Variants in KIF13B observed in about 807,000 individuals in gnomAD.
KIF13B encodes the protein kinesin-like protein KIF13B.
KIF13B carries 127 observed loss-of-function variants against 222.0 expected under a neutral mutation model. The observed-to-expected ratio is 0.57, with a 90% CI of 0.50 to 0.66. The LOEUF (loss-of-function observed/expected upper bound fraction) is 0.66. Ranked by LOEUF, KIF13B falls within the 30% of genes least tolerant of loss-of-function variation. The probability of loss-of-function intolerance (pLI) is 0.00; values close to 1 mark genes in which losing one functional copy is unlikely to be tolerated. For synonymous variants in KIF13B, 976 were observed against 919.0 expected (o/e 1.06, Z -1.12); for missense variants, 2,173 against 2,379.0 (o/e 0.91, Z 1.80).
At chr8:29,126,660 C>T in intron 25 of KIF13B, 149 bp from the exon 26 acceptor site, 1 of 643,450 alleles carries the variant, frequency 1.6e-6, no homozygotes, top group East Asian at 2.8e-5. Context: ...CACCCTCACT[C>T]TGGGTTTTAC....
chr8:29,188,480 GGTT>G (rs768760937), intron 5 of KIF13B, 32 bp downstream of exon 5: 1 of 1,242,116 alleles, frequency 8.1e-7, no homozygotes, highest in African/African-American at 1.5e-5. Flanking sequence ...TTTCATTGAT[GGTT>G]GTTTATGTGA....
chr8:29,158,460 G>A (rs1345078919), intron 13 of KIF13B, among the ~76,000 whole-genome samples: 2 of 152,102 alleles, frequency 1.3e-5, no homozygotes, highest in Non-Finnish European at 2.9e-5. Context: ...AAATAAAGGG[G>A]GTGTTATATT....
At chr8:29,174,852 T>C (rs1812411503) in intron 10 of KIF13B, among the ~76,000 whole-genome samples, 1 of 152,160 alleles carries the variant, frequency 6.6e-6, no homozygotes, top group African/African-American at 2.4e-5. Flanking sequence ...AGTTTTGAAT[T>C]AAAAAGTTGA....
chr8:29,076,393 G>C (rs990550696), intron 37 of KIF13B, among the ~76,000 whole-genome samples: 3 of 152,230 alleles, frequency 2.0e-5, no homozygotes, highest in Non-Finnish European at 4.4e-5. Flanking sequence ...TAACTGCCCA[G>C]AGATGTGGAC....
chr8:29,168,741 T>A (rs548453447), intron 10 of KIF13B, among the ~76,000 whole-genome samples: 7 of 152,074 alleles, frequency 4.6e-5, no homozygotes, highest in South Asian at 2.1e-4. Flanking sequence ...CAGCCCCCCA[T>A]CCCCAACACT....
chr8:29,143,798 G>A (rs569948895), intron 18 of KIF13B, among the ~76,000 whole-genome samples: 11 of 151,966 alleles, frequency 7.2e-5, no homozygotes, highest in South Asian at 2.1e-4. Context: ...AGCCGAGATC[G>A]CGCCACTGCA....
chr8:29,076,414 C>G (rs1309458216), intron 37 of KIF13B, among the ~76,000 whole-genome samples: 1 of 152,226 alleles, frequency 6.6e-6, no homozygotes, highest in Non-Finnish European at 1.5e-5. Context: ...TCCACGTCTC[C>G]CACCTCCCTT....
chr8:29,231,730 A>C (rs1815293208), intron 2 of KIF13B, among the ~76,000 whole-genome samples: 1 of 152,240 alleles, frequency 6.6e-6, no homozygotes, highest in South Asian at 2.1e-4. Context: ...TATTTTTTAA[A>C]ACACAGTAAT....
chr8:29,172,301 C>G (rs537554065), intron 10 of KIF13B, among the ~76,000 whole-genome samples: 2 of 151,946 alleles, frequency 1.3e-5, no homozygotes, highest in African/African-American at 4.8e-5. Flanking sequence ...CCAGGATGGT[C>G]TCGATCTCCT....
At chr8:29,185,115 A>C (rs906020098) in intron 6 of KIF13B, among the ~76,000 whole-genome samples, 6 of 152,018 alleles carry the variant, frequency 3.9e-5, no homozygotes, top group African/African-American at 1.5e-4. Context: ...ACTTCTGTGC[A>C]TCCTACTCTC....
At chr8:29,234,714 A>T (rs184805172) in intron 2 of KIF13B, among the ~76,000 whole-genome samples, 1 of 151,862 alleles carries the variant, frequency 6.6e-6, no homozygotes, top group East Asian at 1.9e-4. Context: ...AGAGGAAAGA[A>T]AAAGTAATGT....
In KIF13B at chr8:29,068,828, G is replaced by A. The variant is rs1807119111; in HGVS notation, c.*1676C>T. The A allele has an allele frequency of 6.6e-6, 1 of 152,354 alleles. No individual in the cohort carries two copies. The highest frequency in any genetic ancestry group is 6.5e-5 in the Admixed American group (1 of 15,298). The allele number at this position is 152,354 out of a possible 1,614,324, so 9.4% of individuals were successfully genotyped here. On this transcript the variant is annotated 3_prime_UTR_variant, in exon 40 of 40. Coordinates refer to ENST00000524189, the MANE Select transcript of KIF13B (RefSeq NM_015254.4). This position sits in a 1 kb window ranked among gnomAD's most constrained non-coding sequence, Gnocchi z 4.4. ...GGGTTGAGTTAAAGGGCAAGGCAGA[G>A]GTGACAGCTCTTCATCCAGGGACAG...
chr8:29,107,725 T>A (rs1251577674), intron 35 of KIF13B, among the ~76,000 whole-genome samples: 2 of 151,882 alleles, frequency 1.3e-5, no homozygotes, highest in East Asian at 3.9e-4. Context: ...CTCGCCTGAC[T>A]AGTTTTTTGT....
intron 2 of KIF13B, among the ~76,000 whole-genome samples, chr8:29,204,732 G>A (rs544586191): frequency 6.6e-6 from 1 of 151,962 alleles, no homozygotes; most frequent in East Asian, 1.9e-4. Flanking sequence ...TTACTGAGCT[G>A]AGGCCCTGGG....
At chr8:29,237,858 G>C (rs549062273) in intron 2 of KIF13B, among the ~76,000 whole-genome samples, 68 of 152,160 alleles carry the variant, frequency 4.5e-4, no homozygotes, top group Non-Finnish European at 8.5e-4. Context: ...TTCAAAAGTA[G>C]TAAATGATCA....
At chr8:29,179,539 T>C (rs1329602418) in intron 8 of KIF13B, among the ~76,000 whole-genome samples, 2 of 151,976 alleles carry the variant, frequency 1.3e-5, no homozygotes, top group Non-Finnish European at 2.9e-5. Flanking sequence ...TTAGTGGGAG[T>C]GGGCAGGAAG....
At chr8:29,207,655 T>C (rs531767555) in intron 2 of KIF13B, among the ~76,000 whole-genome samples, 3 of 152,196 alleles carry the variant, frequency 2.0e-5, no homozygotes, top group East Asian at 3.9e-4. Flanking sequence ...TGGAATTCCA[T>C]TTATCAACTA....
At chr8:29,232,788 T>C (rs1447044758) in intron 2 of KIF13B, among the ~76,000 whole-genome samples, 3 of 152,276 alleles carry the variant, frequency 2.0e-5, no homozygotes, top group East Asian at 1.9e-4. Flanking sequence ...CCTCTTAATA[T>C]CCTGGTAGAC....
At chr8:29,127,303 T>C (rs760064388) in intron 24 of KIF13B, 35 bp from the exon 25 acceptor site, 4 of 1,589,234 alleles carry the variant, frequency 2.5e-6, no homozygotes, top group Non-Finnish European at 3.4e-6. Flanking sequence ...TTAAAATCAG[T>C]GTCTTGATTT....
Sources: allele counts gnomAD v4.1 joint callset (sites outside exome capture counted in the v4.1 genomes callset), GRCh38; gene constraint gnomAD v4.1.1; non-coding constraint Gnocchi (gnomAD v3.1); transcripts MANE v1.5; gene names NCBI Gene and HGNC (gene_info 2026-07-23, HGNC 2026-07-21).